KIF26B: variants seen among roughly 807,000 people sequenced by gnomAD.
KIF26B encodes kinesin family member 26B.
KIF26B carries 63 observed loss-of-function variants against 151.2 expected under a neutral mutation model. The observed-to-expected ratio is 0.42, with a 90% CI of 0.34 to 0.51. KIF26B has a LOEUF of 0.51. KIF26B is among the 20% of genes least tolerant of loss of function. The pLI is 0.07. For missense variants in KIF26B, 2,813 were observed against 2,913.6 expected (o/e 0.97, Z 0.79); for synonymous variants, 1,357 against 1,262.1 (o/e 1.08, Z -1.59).
At chr1:245,628,564 C>A (rs1390718349) in intron 9 of KIF26B, among the ~76,000 whole-genome samples, 2 of 152,208 alleles carry the variant, frequency 1.3e-5, no homozygotes, top group East Asian at 3.9e-4. Context: ...AATTCAACAC[C>A]CTTCATGCCT....
In KIF26B at chr1:245,296,606, C is replaced by G. The variant is rs116078455; in HGVS notation, c.466-70228C>G. Among the ~76,000 whole-genome samples, 480 of 152,318 alleles carry G rather than the reference C, an allele frequency of 3.2e-3. 1 individual carries two copies. The highest frequency in any genetic ancestry group is 0.011 in the African/African-American group (452 of 41,562). Reference sequence around the variant, plus strand: ...CTCCAGATCCCCTGCTTTCCCATCGCCATGGGATGCCCAGAATGTTAGGAA... The same window carrying G: ...CTCCAGATCCCCTGCTTTCCCATCGGCATGGGATGCCCAGAATGTTAGGAA... On this transcript the variant is annotated intron_variant, in intron 2 of 14. Transcript: ENST00000407071.
At chr1:245,383,829 G>A (rs1673473345) in intron 3 of KIF26B, among the ~76,000 whole-genome samples, 1 of 152,148 alleles carries the variant, frequency 6.6e-6, no homozygotes, top group Non-Finnish European at 1.5e-5. Flanking sequence ...TCATTTAGAG[G>A]CTTTATTCTT....
intron 3 of KIF26B, among the ~76,000 whole-genome samples, chr1:245,388,165 A>T (rs1673598798): frequency 6.6e-6 from 1 of 151,976 alleles, no homozygotes; most frequent in Admixed American, 6.6e-5. Context: ...GAGAAAATTG[A>T]TCTCATTGGA....
At chr1:245,453,122 G>T (rs1659435816) in intron 4 of KIF26B, among the ~76,000 whole-genome samples, 1 of 151,950 alleles carries the variant, frequency 6.6e-6, no homozygotes, top group South Asian at 2.1e-4. Context: ...TGTGAGGTAG[G>T]GGCCCAACTT....
chr1:245,562,921 AG>A (rs930740260), intron 5 of KIF26B, among the ~76,000 whole-genome samples: 2 of 151,812 alleles, frequency 1.3e-5, no homozygotes, highest in African/African-American at 4.8e-5. Flanking sequence ...TGTGTTGCTG[AG>A]GCTGGTCTCG....
intron 5 of KIF26B, among the ~76,000 whole-genome samples, chr1:245,577,631 G>A (rs1424835669): frequency 4.0e-5 from 6 of 148,262 alleles, no homozygotes; most frequent in Non-Finnish European, 8.9e-5. Flanking sequence ...TCCCCTACAC[G>A]GAAGAGCTTT....
chr1:245,604,212 G>C (rs1464415097), intron 6 of KIF26B, among the ~76,000 whole-genome samples: 1 of 152,168 alleles, frequency 6.6e-6, no homozygotes, highest in Non-Finnish European at 1.5e-5. Context: ...ACATTAAACA[G>C]TGTATAGGAT....
chr1:245,483,623 C>CG (rs1248211528), intron 4 of KIF26B, among the ~76,000 whole-genome samples: 1 of 151,924 alleles, frequency 6.6e-6, no homozygotes, highest in Non-Finnish European at 1.5e-5. Context: ...CATGTTCCCA[C>CG]GGTCCCATTC....
chr1:245,434,973 G>GTCCATCCATCCATCCATCCA (rs371849206), intron 4 of KIF26B, among the ~76,000 whole-genome samples: 3 of 135,644 alleles, frequency 2.2e-5, no homozygotes, highest in African/African-American at 5.6e-5. Context: ...ATGCTCTTTT[G>GTCCATCCATCCATCCATCCA]TCCATCCATC....
At chr1:245,435,302 C>A (rs1658890930) in intron 4 of KIF26B, among the ~76,000 whole-genome samples, 1 of 152,150 alleles carries the variant, frequency 6.6e-6, no homozygotes, top group Non-Finnish European at 1.5e-5. Flanking sequence ...GCAGCCAGTC[C>A]CAGGATAGGA....
intron 2 of KIF26B, among the ~76,000 whole-genome samples, chr1:245,252,173 G>GGC (rs1188847270): frequency 6.6e-6 from 1 of 151,520 alleles, no homozygotes; most frequent in African/African-American, 2.4e-5. Flanking sequence ...CTACTAGGGA[G>GGC]GCTGAGGTGG....
intron 2 of KIF26B, among the ~76,000 whole-genome samples, chr1:245,334,208 T>A (rs1183155557): frequency 6.6e-6 from 1 of 152,188 alleles, no homozygotes; most frequent in African/African-American, 2.4e-5. Context: ...TTTAGTGTCT[T>A]GCATTCTACA....
Position 245,336,149 on chromosome 1 carries a change from T to TGCAGGGAAAGAAGGTCCCAC in KIF26B, c.466-30674_466-30655dup, listed in dbSNP as rs1170586773. The stretch of plus-strand genomic sequence containing the variant: ...AGAGTCCCACGCAGGGAGAGTCCCA[T>TGCAGGGAAAGAAGGTCCCAC]GCAGGGAAAGAAGGTCCCACGCAGG... On this transcript the variant is annotated intron_variant, in intron 2 of 14. Transcript: ENST00000407071. Among the ~76,000 whole-genome samples, 15 of 109,840 alleles carry TGCAGGGAAAGAAGGTCCCAC rather than the reference T, an allele frequency of 1.4e-4. No individual in the cohort carries two copies. In the South Asian group the frequency reaches 3.6e-3, roughly 26 times the overall value. The allele number at this position is 109,840 out of a possible 152,430, so 72.1% of individuals were successfully genotyped here. A position where few individuals can be genotyped will look rare whatever the true frequency, so the allele number is the denominator to read the frequency against.
chr1:245,627,451 C>T (rs949776823), intron 9 of KIF26B, among the ~76,000 whole-genome samples: 10 of 152,010 alleles, frequency 6.6e-5, no homozygotes, highest in Non-Finnish European at 1.3e-4. Context: ...AACAAAAAGA[C>T]GATGTACCAG....
intron 2 of KIF26B, among the ~76,000 whole-genome samples, chr1:245,257,344 T>G (rs1228276887): frequency 6.6e-6 from 1 of 152,234 alleles, no homozygotes; most frequent in East Asian, 1.9e-4. Context: ...CCTGGGGCTG[T>G]GTCACAGGCC....
intron 2 of KIF26B, among the ~76,000 whole-genome samples, chr1:245,265,014 A>G: frequency 6.6e-6 from 1 of 151,328 alleles, no homozygotes; most frequent in Non-Finnish European, 1.5e-5. Context: ...CCTGGCTAAC[A>G]CGGTGAAACC....
At chr1:245,554,360 T>A (rs941034893) in intron 5 of KIF26B, among the ~76,000 whole-genome samples, 2 of 152,230 alleles carry the variant, frequency 1.3e-5, no homozygotes, top group Non-Finnish European at 2.9e-5. Context: ...ACAGTCCTTA[T>A]ATGACTTTTT....
At position 245,267,627 on chromosome 1, in the gene KIF26B, A is replaced by C. The variant is rs1670769737; in HGVS notation, c.466-99207A>C. On this transcript the variant is annotated intron_variant, in intron 2 of 14. Transcript: ENST00000407071. The stretch of plus-strand genomic sequence containing the variant: ...AGAACAGATACTACTGGCGACAGCT[A>C]AGTAATGCACACACACACACACACA... Among the ~76,000 whole-genome samples the C allele has an allele frequency of 4.1e-5, 6 of 144,882 alleles. No individual in the cohort carries two copies. In the South Asian group the frequency reaches 1.4e-3, roughly 33 times the overall value.
chr1:245,272,906 A>T (rs944973256), intron 2 of KIF26B, among the ~76,000 whole-genome samples: 2 of 152,216 alleles, frequency 1.3e-5, no homozygotes, highest in Non-Finnish European at 1.5e-5. Context: ...TAAACTTCTT[A>T]AATCTGTTAA....
Sources: gnomAD v4.1 joint callset for allele counts (sites outside exome capture counted in the v4.1 genomes callset) on GRCh38, gnomAD v4.1.1 for gene constraint, MANE v1.5 for transcripts, NCBI Gene and HGNC (gene_info 2026-07-23, HGNC 2026-07-21) for gene names.